KCNIP4: variants seen among roughly 807,000 people sequenced by gnomAD.
KCNIP4 encodes the protein potassium voltage-gated channel interacting protein 4, also known as Kv channel-interacting protein 4.
KCNIP4 carries 12 observed loss-of-function variants against 34.0 expected under a neutral mutation model. The ratio of observed to expected loss-of-function variants is 0.35; its 90% CI spans 0.23 to 0.57. The LOEUF (loss-of-function observed/expected upper bound fraction) is 0.57. KCNIP4 is among the 20% of genes least tolerant of loss of function. KCNIP4 has a pLI of 0.83. For missense variants in KCNIP4, 238 were observed against 311.7 expected, an observed-to-expected ratio of 0.76 and a Z score of 1.78; for synonymous variants, 124 against 102.2, an observed-to-expected ratio of 1.21 and a Z score of -1.29.
rs182452698 is a variant in KCNIP4 at position 21,829,695 on chromosome 4, A to G, written c.61+118876T>C. ...CAAAAACCTATAGCAGCCATAAAAA[A>G]TAAAAACTAAGCACACCAATAAAAA... On this transcript the variant is annotated intron_variant, in intron 1 of 8. Coordinates refer to ENST00000382152, the MANE Select transcript of KCNIP4 (RefSeq NM_025221.6). Among the ~76,000 whole-genome samples the G allele has an allele frequency of 9.2e-5, 14 of 152,210 alleles. No individual in the cohort carries two copies. The East Asian group carries it at 2.5e-3, about 27-fold the overall frequency.
chr4:20,872,942 T>G (rs1723638838), intron 2 of KCNIP4, among the ~76,000 whole-genome samples: 1 of 152,226 alleles, frequency 6.6e-6, no homozygotes, highest in South Asian at 2.1e-4. Context: ...CTACCATCTC[T>G]CCCTAACTGA....
At chr4:21,513,464 C>T (rs2109928288) in intron 1 of KCNIP4, among the ~76,000 whole-genome samples, 1 of 152,274 alleles carries the variant, frequency 6.6e-6, no homozygotes, top group African/African-American at 2.4e-5. Context: ...CAGAAGGTAG[C>T]ATAATACACT....
At chr4:20,890,512 T>G (rs1249828630) in intron 1 of KCNIP4, among the ~76,000 whole-genome samples, 2 of 152,172 alleles carry the variant, frequency 1.3e-5, no homozygotes, top group Non-Finnish European at 2.9e-5. Flanking sequence ...TAATATATAT[T>G]TGTTGAGTGA....
intron 1 of KCNIP4, among the ~76,000 whole-genome samples, chr4:21,906,300 T>C (rs2108975085): frequency 6.6e-6 from 1 of 152,262 alleles, no homozygotes; most frequent in East Asian, 1.9e-4. Flanking sequence ...TGTATCTGGG[T>C]AAGCCCCAAA....
At chr4:20,966,669 A>C (rs1470624491) in intron 1 of KCNIP4, among the ~76,000 whole-genome samples, 1 of 152,194 alleles carries the variant, frequency 6.6e-6, no homozygotes, top group Non-Finnish European at 1.5e-5. Flanking sequence ...AGCTTATTAT[A>C]ACTTACAAAA....
intron 5 of KCNIP4, among the ~76,000 whole-genome samples, chr4:20,744,791 A>T (rs1752052688): frequency 6.6e-6 from 1 of 152,116 alleles, no homozygotes; most frequent in African/African-American, 2.4e-5. Flanking sequence ...TAAAATAAAA[A>T]TAAAGATAGC....
chr4:20,784,132 A>G (rs926833589), intron 3 of KCNIP4, among the ~76,000 whole-genome samples: 1 of 152,146 alleles, frequency 6.6e-6, no homozygotes, highest in Non-Finnish European at 1.5e-5. Flanking sequence ...TGAGCTCATT[A>G]TTTTTGTTTT....
At chr4:21,221,860 A>C (rs973281850) in intron 1 of KCNIP4, among the ~76,000 whole-genome samples, 18 of 152,214 alleles carry the variant, frequency 1.2e-4, no homozygotes, top group Non-Finnish European at 2.5e-4. Flanking sequence ...CCATGAATAA[A>C]ATGGAGATGG....
intron 1 of KCNIP4, among the ~76,000 whole-genome samples, chr4:21,866,163 G>A (rs1229857761): frequency 6.6e-6 from 1 of 152,012 alleles, no homozygotes; most frequent in Non-Finnish European, 1.5e-5. Context: ...TTTTCTAAAT[G>A]TTATAAAAAC....
chr4:21,698,435 C>G (rs1014922268), intron 1 of KCNIP4, among the ~76,000 whole-genome samples: 2 of 152,150 alleles, frequency 1.3e-5, no homozygotes, highest in Non-Finnish European at 2.9e-5. Flanking sequence ...CATCTCCCTA[C>G]CAATCAACTT....
At chr4:21,604,503 T>A (rs1186421500) in intron 1 of KCNIP4, among the ~76,000 whole-genome samples, 1 of 152,044 alleles carries the variant, frequency 6.6e-6, no homozygotes, top group African/African-American at 2.4e-5. Flanking sequence ...ACCACCTCTA[T>A]CTTGTTTAAC....
intron 1 of KCNIP4, among the ~76,000 whole-genome samples, chr4:21,813,713 T>C (rs1215204167): frequency 6.6e-6 from 1 of 152,074 alleles, no homozygotes; most frequent in Non-Finnish European, 1.5e-5. Context: ...TTCAAAAATG[T>C]CAAAAATATT....
At chr4:21,669,160 G>A (rs887305386) in intron 1 of KCNIP4, among the ~76,000 whole-genome samples, 1 of 138,174 alleles carries the variant, frequency 7.2e-6, no homozygotes, top group Admixed American at 7.2e-5. Context: ...TTCCAAGACA[G>A]GGTCACCTAG....
rs59806030 is a variant in KCNIP4 at position 21,577,660 on chromosome 4, A to AC, written c.61+370910_61+370911insG. 2.3e-3 allele frequency among the ~76,000 whole-genome samples: 328 copies of AC among 140,792 alleles called. 2 individuals carry two copies. The highest frequency in any genetic ancestry group is 8.1e-3 in the African/African-American group (305 of 37,492). The allele number at this position is 140,792 out of a possible 152,430, so 92.4% of individuals were successfully genotyped here. On this transcript the variant is annotated intron_variant, in intron 1 of 8. Transcript: ENST00000382152. Reference sequence around the variant, plus strand: ...AACAAACAAACAAACAAACAAACAAAAAACTGCAATTCCATAAATGCAGTA... The same window carrying AC: ...AACAAACAAACAAACAAACAAACAAACAAACTGCAATTCCATAAATGCAGTA...
At chr4:21,594,209 C>T (rs1463151775) in intron 1 of KCNIP4, among the ~76,000 whole-genome samples, 1 of 152,094 alleles carries the variant, frequency 6.6e-6, no homozygotes, top group Non-Finnish European at 1.5e-5. Context: ...TATGTTCCAA[C>T]TCATGGCATC....
In KCNIP4 at chr4:21,439,022, C is replaced by T. The variant is rs565000473; in HGVS notation, c.61+509549G>A. On this transcript the variant is annotated intron_variant, in intron 1 of 8. Coordinates refer to ENST00000382152, the MANE Select transcript of KCNIP4 (RefSeq NM_025221.6). ...CTAAAAATACGAAAAATTAACCGGG[C>T]GTGGCGGCGGGCGCCTGTAGTCCCA... Among the ~76,000 whole-genome samples the T allele has an allele frequency of 9.9e-4, 150 of 152,058 alleles. 1 individual carries two copies. Among genetic ancestry groups the T allele is most frequent in the African/African-American group, 3.4e-3 (141 of 41,486 alleles).
At chr4:21,822,770 C>T (rs995687022) in intron 1 of KCNIP4, among the ~76,000 whole-genome samples, 19 of 143,726 alleles carry the variant, frequency 1.3e-4, no homozygotes, top group African/African-American at 4.4e-4. Context: ...CAGGCTGGAG[C>T]GCGGTGGCGC....
rs536510299 is a variant in KCNIP4, at chr4:21,438,488, T to G, written c.61+510083A>C. Reference sequence around the variant, plus strand: ...GGGAATATATGATTCAAATATGTCTTTTATTTAGGAATCTTTTTCTATTAA... The same window carrying G: ...GGGAATATATGATTCAAATATGTCTGTTATTTAGGAATCTTTTTCTATTAA... On this transcript the variant is annotated intron_variant, in intron 1 of 8. Transcript: ENST00000382152. Among the ~76,000 whole-genome samples, 6 of 152,312 alleles carry G rather than the reference T, an allele frequency of 3.9e-5. No individual in the cohort carries two copies. In the South Asian group the frequency reaches 1.2e-3, roughly 32 times the overall value.
intron 1 of KCNIP4, among the ~76,000 whole-genome samples, chr4:20,893,797 C>A (rs181856151): frequency 6.6e-6 from 1 of 152,238 alleles, no homozygotes; most frequent in Non-Finnish European, 1.5e-5. Flanking sequence ...AAAATGACAG[C>A]AGTATCTTTT....
Sources: gnomAD v4.1 joint callset for allele counts (sites outside exome capture counted in the v4.1 genomes callset) on GRCh38, gnomAD v4.1.1 for gene constraint, MANE v1.5 for transcripts, NCBI Gene and HGNC (gene_info 2026-07-23, HGNC 2026-07-21) for gene names.